TDRD1: variants seen among roughly 807,000 people sequenced by gnomAD.
The protein encoded by TDRD1 is tudor domain containing 1, also known as tudor domain-containing protein 1.
Under a neutral mutation model 140.6 loss-of-function variants are expected in TDRD1, and 37 were observed. The ratio of observed to expected loss-of-function variants is 0.26; its 90% confidence interval spans 0.20 to 0.35. TDRD1 has a LOEUF of 0.35. TDRD1 is among the 10% of genes least tolerant of loss of function. The pLI, the probability that TDRD1 is intolerant of heterozygous loss-of-function variation, is 1.00. For synonymous variants in TDRD1, 506 were observed against 475.7 expected, an observed-to-expected ratio of 1.06 and a Z score of -0.83; for missense variants, 1,243 against 1,393.0, an observed-to-expected ratio of 0.89 and a Z score of 1.71.
chr10:114,226,353 A>G (rs1589718465), intron 22 of TDRD1, 137 bp downstream of exon 22: 3 of 602,464 alleles, frequency 5.0e-6, no homozygotes, highest in Admixed American at 3.4e-5. Context: ...AGAGTTTTCA[A>G]ATAAGTTTCA....
At chr10:114,189,685 G>A (rs992516638) in intron 2 of TDRD1, among the ~76,000 whole-genome samples, 2 of 152,150 alleles carry the variant, frequency 1.3e-5, no homozygotes, top group African/African-American at 2.4e-5. Flanking sequence ...TCAAACCCCT[G>A]GGCACAAACG....
intron 11 of TDRD1, among the ~76,000 whole-genome samples, chr10:114,208,539 T>G (rs1468506958): frequency 6.6e-6 from 1 of 152,176 alleles, no homozygotes; most frequent in African/African-American, 2.4e-5. Context: ...CACCATGCTT[T>G]TGTCCCCTCT....
At chr10:114,179,356 C>A (rs990332219) in exon 1 of TDRD1, 1 of 152,646 alleles carries the variant, frequency 6.6e-6, no homozygotes, top group Non-Finnish European at 1.5e-5. Flanking sequence ...CATCGGCAGT[C>A]GCCATCACCG....
intron 2 of TDRD1, among the ~76,000 whole-genome samples, chr10:114,189,246 A>G (rs2033784455): frequency 6.6e-6 from 1 of 152,236 alleles, no homozygotes; most frequent in South Asian, 2.1e-4. Context: ...CAGTATTTTT[A>G]GTATTTGTGT....
chr10:114,220,486 C>A, intron 18 of TDRD1, 82 bp from the exon 19 acceptor site: 1 of 944,754 alleles, frequency 1.1e-6, no homozygotes, highest in Non-Finnish European at 1.6e-6. Flanking sequence ...GTAAACTTGG[C>A]AAAGACCTGG....
chr10:114,231,590 T>C, exon 26 of TDRD1: 1 of 1,270,674 alleles, frequency 7.9e-7, no homozygotes, highest in South Asian at 1.4e-5. Context: ...GAGAACCTTT[T>C]CTTTGTCCAC....
upstream of TDRD1, among the ~76,000 whole-genome samples, chr10:114,178,381 G>A (rs925466194): frequency 6.6e-6 from 1 of 152,156 alleles, no homozygotes; most frequent in African/African-American, 2.4e-5. Flanking sequence ...CTGCCCAGGG[G>A]TTACATTAAA....
At position 114,179,435 on chromosome 10, in the gene TDRD1, A is replaced by C. The variant is rs939925553; in HGVS notation, c.-7+19A>C. ...TTTCCAGGTCAGGGTTCCCAGGCGT[A>C]TAGGGGAGGGAGAGGGCCTGCATGA... On this transcript the variant is annotated intron_variant, in intron 1 of 25. Coordinates refer to ENST00000251864, the Ensembl canonical transcript of TDRD1. The C allele has an allele frequency of 2.0e-5, 3 of 151,636 alleles. No individual in the cohort carries two copies. Among genetic ancestry groups the C allele is most frequent in the African/African-American group, 7.3e-5 (3 of 41,254 alleles). The allele number at this position is 151,636 out of a possible 1,614,324, so 9.4% of individuals were successfully genotyped here. A position where few individuals can be genotyped will look rare whatever the true frequency, so the allele number is the denominator to read the frequency against.
At chr10:114,178,681 T>TG (rs1374618813), upstream of TDRD1, among the ~76,000 whole-genome samples, 1 of 152,112 alleles carries the variant, frequency 6.6e-6, no homozygotes, top group Non-Finnish European at 1.5e-5. Context: ...AGGACTATGC[T>TG]GGGGGCCAGA....
intron 3 of TDRD1, among the ~76,000 whole-genome samples, chr10:114,194,764 T>G (rs1177185217): frequency 3.3e-5 from 5 of 150,784 alleles, no homozygotes; most frequent in Non-Finnish European, 5.9e-5. Flanking sequence ...GTTGGTTTTT[T>G]TTTTTTTTTT....
intron 25 of TDRD1, among the ~76,000 whole-genome samples, chr10:114,231,116 TTTAA>T (rs1482791936): frequency 2.0e-5 from 3 of 152,138 alleles, no homozygotes; most frequent in African/African-American, 7.2e-5. Context: ...TCTGGAGAAA[TTTAA>T]TTGTTAGCAA....
In TDRD1 at chr10:114,228,426, A is replaced by T. The variant is rs72823060; in HGVS notation, c.3538+301A>T. On this transcript the variant is annotated intron_variant, in intron 25 of 25. Transcript: ENST00000251864. ...TATTGATATGTGGAGGGACTTGTAA[A>T]ACTTGTTGTGACATAAAGCTTAGCC... is the stretch of plus-strand genomic sequence containing the variant. The T allele has an allele frequency of 5.7e-3, 6,127 of 1,082,268 alleles. 22 individuals carry two copies. Among genetic ancestry groups the T allele is most frequent in the Admixed American group, 0.019 (386 of 20,650 alleles). 67.0% of individuals were successfully genotyped at this position (1,082,268 alleles called of 1,614,324 possible).
Position 114,202,342 on chromosome 10 carries a change from T to C in TDRD1, c.696+44T>C, listed in dbSNP as rs1224369213. 3 of 1,333,062 alleles carry C rather than the reference T, an allele frequency of 2.3e-6. No homozygotes were observed. The East Asian group carries it at 7.1e-5, about 32-fold the overall frequency. 82.6% of individuals were successfully genotyped at this position (1,333,062 alleles called of 1,614,324 possible). On this transcript the variant is annotated intron_variant, in intron 6 of 25. Coordinates refer to ENST00000251864, the Ensembl canonical transcript of TDRD1. ...TTAAATTTTGAATAACTCCTCTTTA[T>C]TGAATTAAGATGTAAGATAAATATT... is the stretch of plus-strand genomic sequence containing the variant.
At chr10:114,175,135 C>T (rs2032663794), upstream of TDRD1, among the ~76,000 whole-genome samples, 1 of 152,168 alleles carries the variant, frequency 6.6e-6, no homozygotes, top group Non-Finnish European at 1.5e-5. Flanking sequence ...AGGTACTACA[C>T]TGAAGCACAT....
intron 16 of TDRD1, 149 bp downstream of exon 16, chr10:114,214,263 T>TA (rs1220255173): frequency 1.5e-6 from 1 of 657,226 alleles, no homozygotes; most frequent in Non-Finnish European, 2.5e-6. Context: ...TGGTTATACT[T>TA]AGTTAGCTTT....
intron 18 of TDRD1, 106 bp from the exon 19 acceptor site, chr10:114,220,462 T>A (rs1015065939): frequency 6.9e-6 from 5 of 723,068 alleles, no homozygotes; most frequent in Non-Finnish European, 1.2e-5. Flanking sequence ...ATACTGAGAA[T>A]TGCTGACCTG....
intron 1 of TDRD1, among the ~76,000 whole-genome samples, chr10:114,184,266 G>A (rs1028707779): frequency 2.0e-5 from 3 of 150,234 alleles, no homozygotes; most frequent in African/African-American, 7.4e-5. Flanking sequence ...ATGCCTTTTT[G>A]TCATTTATTT....
exon 26 of TDRD1, chr10:114,232,267 T>G (rs1343662642): frequency 1.3e-5 from 2 of 151,412 alleles, no homozygotes; most frequent in Non-Finnish European, 2.9e-5. Flanking sequence ...TAGAATTTAC[T>G]GTTTCTGAAA....
At chr10:114,212,835 T>A (rs1248290092) in intron 14 of TDRD1, among the ~76,000 whole-genome samples, 1 of 152,188 alleles carries the variant, frequency 6.6e-6, no homozygotes, top group Non-Finnish European at 1.5e-5. Flanking sequence ...AACTATACAA[T>A]TCAGTAATTC....
Sources: allele counts gnomAD v4.1 joint callset (sites outside exome capture counted in the v4.1 genomes callset), GRCh38; gene constraint gnomAD v4.1.1; transcripts MANE v1.5; gene names NCBI Gene and HGNC (gene_info 2026-07-23, HGNC 2026-07-21).